Variants in TNK2 observed in about 807,000 individuals in gnomAD.
TNK2 encodes the protein tyrosine kinase non receptor 2.
Under a neutral mutation model 101.8 loss-of-function variants are expected in TNK2, and 83 were observed. That is an observed-to-expected ratio of 0.82 (90% confidence interval 0.68 to 0.98). TNK2 has a LOEUF of 0.98. TNK2 is among the 50% of genes least tolerant of loss of function. The pLI is 0.00. For synonymous variants in TNK2, 804 were observed against 633.0 expected (o/e 1.27, Z -4.06); for missense variants, 1,665 against 1,483.2 (o/e 1.12, Z -2.01).
intron 1 of TNK2, among the ~76,000 whole-genome samples, chr3:195,907,890 G>A (rs1244432794): frequency 6.6e-6 from 1 of 152,186 alleles, no homozygotes; most frequent in East Asian, 1.9e-4. Context: ...CTCACCAGTT[G>A]CTCTCCCTCC....
At chr3:195,883,475 C>T (rs1426440350) in intron 4 of TNK2, 166 bp from the exon 5 acceptor site, 1 of 771,904 alleles carries the variant, frequency 1.3e-6, no homozygotes, top group African/African-American at 1.7e-5. Flanking sequence ...CTGCGTGAGG[C>T]CTGGCTGGAG....
chr3:195,876,293 G>T (rs1749199028), intron 9 of TNK2, among the ~76,000 whole-genome samples: 1 of 152,222 alleles, frequency 6.6e-6, no homozygotes, highest in Non-Finnish European at 1.5e-5. Context: ...GACTCAGTCA[G>T]AGCTGCGGCA....
chr3:195,892,588 G>A (rs1338035489), intron 1 of TNK2: 11 of 1,462,774 alleles, frequency 7.5e-6, no homozygotes, highest in Middle Eastern at 2.3e-4. Flanking sequence ...TCCCACACCA[G>A]GGGTGGGAAA....
intron 1 of TNK2, among the ~76,000 whole-genome samples, chr3:195,897,355 G>A (rs1760714018): frequency 6.6e-6 from 1 of 152,200 alleles, no homozygotes; most frequent in African/African-American, 2.4e-5. Flanking sequence ...CACACGCCAT[G>A]ACTGTCCATA....
intron 11 of TNK2, chr3:195,869,885 G>A: frequency 1.8e-6 from 1 of 556,690 alleles, no homozygotes; most frequent in Non-Finnish European, 3.2e-6. Flanking sequence ...GGACGCCGGG[G>A]CGGACGGGCC....
chr3:195,895,247 T>C, intron 1 of TNK2: 1 of 1,542,792 alleles, frequency 6.5e-7, no homozygotes, highest in Non-Finnish European at 8.7e-7. Flanking sequence ...CCCCATTACC[T>C]GCGGTCCCTC....
rs1368121107 is a variant in TNK2, at chr3:195,867,016, C to T, written c.3034G>A (p.Val1012Met). Residue 1012 changes from valine (V) to methionine (M), a missense_variant and splice_region_variant, in exon 15 of 16, where the codon GTG becomes ATG. Val to Met is a conservative substitution (Grantham distance 21). Coordinates refer to ENST00000672887, the MANE Select transcript of TNK2 (RefSeq NM_001382273.1). Reference protein sequence around the residue: ...SVQRAAQYLKVEQLFGLGLRP... With the variant: ...SVQRAAQYLKMEQLFGLGLRP... ...AGACCCAGCCCGAAGAGCTGCTCCA[C>T]CTGGGGGTAAGGGTGGCGCCATGGA... 1 of 1,613,142 alleles carries T rather than the reference C, an allele frequency of 6.2e-7. No homozygotes were observed. Among genetic ancestry groups the T allele is most frequent in the Non-Finnish European group, 8.5e-7 (1 of 1,179,916 alleles).
intron 4 of TNK2, 71 bp from the exon 5 acceptor site, chr3:195,883,380 C>T: frequency 6.3e-7 from 1 of 1,575,852 alleles, no homozygotes. Flanking sequence ...ACCTGCTCCA[C>T]CCTCCAACTC....
Position 195,872,355 on chromosome 3 carries a change from G to GGGGCTGGCTGATGTCCTGGGCCGAC in TNK2, c.1347_1371dup (p.Leu458ValfsTer22). On this transcript the variant is annotated frameshift_variant, in exon 10 of 16. Transcript: ENST00000672887. LOFTEE classifies it high-confidence loss of function. ...CCTGTGTGGATGAAGCTGTTCTGCAGGGGCTGGCTGATGTCCTGGGCCGAC... is the reference window on the plus strand; with the variant it reads ...CCTGTGTGGATGAAGCTGTTCTGCAGGGGCTGGCTGATGTCCTGGGCCGACGGGCTGGCTGATGTCCTGGGCCGAC... The GGGGCTGGCTGATGTCCTGGGCCGAC allele has an allele frequency of 6.2e-7, 1 of 1,613,426 alleles. No individual in the cohort carries two copies. The highest frequency in any genetic ancestry group is 8.5e-7 in the Non-Finnish European group (1 of 1,179,932).
intron 1 of TNK2, among the ~76,000 whole-genome samples, chr3:195,889,210 A>AG: frequency 6.6e-6 from 1 of 151,902 alleles, no homozygotes; most frequent in Non-Finnish European, 1.5e-5. Flanking sequence ...GACAGGAGGG[A>AG]GGGGTGGGGC....
chr3:195,893,893 C>T (rs905366191), intron 1 of TNK2, among the ~76,000 whole-genome samples: 6 of 152,202 alleles, frequency 3.9e-5, no homozygotes, highest in African/African-American at 1.4e-4. Context: ...CTTGACCTCC[C>T]TGATGATGCC....
intron 2 of TNK2, among the ~76,000 whole-genome samples, chr3:195,887,651 T>C (rs1478240789): frequency 6.6e-6 from 1 of 152,258 alleles, no homozygotes; most frequent in Non-Finnish European, 1.5e-5. Context: ...AAGAACATCA[T>C]GACTTTTAGA....
rs1757051411 is a variant in TNK2 at position 195,888,429 on chromosome 3, G to GC, written c.159dup (p.Pro54AlafsTer25). 1.9e-6 allele frequency: 3 copies of GC among 1,612,984 alleles called. No homozygotes were observed. Among genetic ancestry groups the GC allele is most frequent in the Non-Finnish European group, 1.7e-6 (2 of 1,179,288 alleles). Reference sequence around the variant, plus strand: ...GCCAGGCCAACATCCCACCTACCAGGCCGACCCATGCCGATCTTCTCCAGG... The same window carrying GC: ...GCCAGGCCAACATCCCACCTACCAGGCCCGACCCATGCCGATCTTCTCCAGG... On this transcript the variant is annotated frameshift_variant, in exon 2 of 16. Coordinates refer to ENST00000672887, the MANE Select transcript of TNK2 (RefSeq NM_001382273.1). LOFTEE classifies it high-confidence loss of function. The surrounding 1 kb of genome is among the most constrained non-coding windows in gnomAD (Gnocchi z 5.3).
chr3:195,868,829 CCCCGAGG>C, intron 12 of TNK2, 120 bp from the exon 13 acceptor site: 5 of 1,261,694 alleles, frequency 4.0e-6, no homozygotes, highest in Non-Finnish European at 5.3e-6. Context: ...TCCCAACTCC[CCCCGAGG>C]TCTGAGGTCA....
At position 195,882,312 on chromosome 3, in the gene TNK2, G is replaced by C; in HGVS notation, c.626C>G (p.Pro209Arg). ...TAGCCGGTCCAACAACGATCCCAGA[G>C]GTGCCAGCTCTGTCACCTGAGGCCA... ...PPMKMVTELA[P>R]LGSLLDRLRK... is the part of the protein sequence containing the mutation. Residue 209 changes from proline to arginine, a missense_variant, in exon 6 of 16, where the codon CCT becomes CGT. Physicochemically the swap from Pro to Arg is moderately radical, Grantham distance 103 (BLOSUM62 -2). This residue lies in a region of TNK2 where 490 missense variants were observed against 522.5 expected (regional missense o/e 0.94). Transcript: ENST00000672887. This position sits in a 1 kb window ranked among gnomAD's most constrained non-coding sequence, Gnocchi z 4.2. The C allele has an allele frequency of 1.2e-6, 2 of 1,611,990 alleles. No homozygotes were observed. Among genetic ancestry groups the C allele is most frequent in the Non-Finnish European group, 1.7e-6 (2 of 1,178,618 alleles).
chr3:195,879,618 T>C (rs1244717783), intron 6 of TNK2: 1 of 167,176 alleles, frequency 6.0e-6, no homozygotes, highest in Non-Finnish European at 1.3e-5. Flanking sequence ...AGAACCAAAA[T>C]GGGTAGAAAC....
intron 1 of TNK2, chr3:195,896,716 G>GT (rs1406574592): frequency 1.3e-5 from 2 of 152,680 alleles, no homozygotes; most frequent in East Asian, 1.9e-4. Context: ...CCATCCTATC[G>GT]TAAGACATCC....
At position 195,879,261 on chromosome 3, in the gene TNK2, C is replaced by T; in HGVS notation, c.888-86G>A. The T allele has an allele frequency of 1.9e-6, 3 of 1,569,118 alleles. No homozygotes were observed. The South Asian group carries it at 3.5e-5, about 18-fold the overall frequency. On this transcript the variant is annotated intron_variant, in intron 6 of 15. Coordinates refer to ENST00000672887, the MANE Select transcript of TNK2 (RefSeq NM_001382273.1). ...GGACTTAAAACACTCATGCAGCAAA[C>T]ACTTGTTGTGACCCCCTGTGCCAGG...
intron 14 of TNK2, 34 bp from the exon 15 acceptor site, chr3:195,867,050 C>G (rs772968376): frequency 6.2e-7 from 1 of 1,611,528 alleles, no homozygotes. Flanking sequence ...GACACGCGGG[C>G]CCAGGGCACC....
Sources: allele counts gnomAD v4.1 joint callset (sites outside exome capture counted in the v4.1 genomes callset), GRCh38; gene constraint gnomAD v4.1.1; regional missense constraint gnomAD v4.1.1; non-coding constraint Gnocchi (gnomAD v3.1); transcripts MANE v1.5; gene names NCBI Gene and HGNC (gene_info 2026-07-23, HGNC 2026-07-21).